Variants in COL4A5 observed in about 807,000 individuals in gnomAD.
The protein encoded by COL4A5 is collagen type IV alpha 5 chain.
A neutral mutation model predicts 130.2 loss-of-function variants in COL4A5; 26 were observed. That is an observed-to-expected ratio of 0.20 (90% CI 0.15 to 0.28). The LOEUF is 0.28. COL4A5 is among the 10% of genes least tolerant of loss of function. The pLI is 1.00. For missense variants in COL4A5, 1,131 were observed against 1,344.3 expected (o/e 0.84, Z 2.48); for synonymous variants, 496 against 439.6 (o/e 1.13, Z -1.60).
At chrX:108,501,513 G>C (rs952758557) in intron 1 of COL4A5, among the ~76,000 whole-genome samples, 1 of 111,765 alleles carries the variant, frequency 8.9e-6, no homozygotes, top group African/African-American at 3.3e-5. Flanking sequence ...GTTTGTGAGA[G>C]AGCCTAGGCA....
chrX:108,479,951 G>A (rs768132966), intron 1 of COL4A5, among the ~76,000 whole-genome samples: 31 of 111,530 alleles, frequency 2.8e-4, no homozygotes, highest in African/African-American at 9.8e-4. Context: ...GGCCTCTGCC[G>A]TTACTCACCT....
rs536249488 is a variant in COL4A5, at chrX:108,592,039, G to A, written c.1423+395G>A. On this transcript the variant is annotated intron_variant, in intron 21 of 52. Transcript: ENST00000328300. ...TCTCTCACTTCATTGCACTCACTTG[G>A]AACAAAAGCATAATCCAAATTTTCA... Among the ~76,000 whole-genome samples the A allele has an allele frequency of 4.0e-4, 45 of 111,319 alleles. No homozygotes were observed. The South Asian group carries it at 0.017, about 42-fold the overall frequency.
chrX:108,596,725 C>G (rs1289375492), intron 22 of COL4A5, among the ~76,000 whole-genome samples: 1 of 111,905 alleles, frequency 8.9e-6, no homozygotes, highest in African/African-American at 3.3e-5. Flanking sequence ...GTTGCAAGGT[C>G]TGAGAAAGTC....
At chrX:108,487,390 CAA>C (rs139062835) in intron 1 of COL4A5, among the ~76,000 whole-genome samples, 7 of 53,401 alleles carry the variant, frequency 1.3e-4, no homozygotes, top group Admixed American at 2.3e-4. Context: ...AACTCTGTCT[CAA>C]AAAAAAAAAA....
intron 3 of COL4A5, among the ~76,000 whole-genome samples, chrX:108,563,329 G>A: frequency 9.0e-6 from 1 of 111,511 alleles, no homozygotes; most frequent in Non-Finnish European, 1.9e-5. Flanking sequence ...ACATGGGTAG[G>A]TTCTTTTGCA....
chrX:108,546,038 C>T (rs916890411), intron 2 of COL4A5, among the ~76,000 whole-genome samples: 3 of 111,920 alleles, frequency 2.7e-5, no homozygotes, highest in Non-Finnish European at 5.6e-5. Flanking sequence ...ATACAGCACC[C>T]TGGTGGGTCT....
chrX:108,534,334 C>G (rs918114952), intron 1 of COL4A5, among the ~76,000 whole-genome samples: 4 of 111,338 alleles, frequency 3.6e-5, no homozygotes, highest in Non-Finnish European at 7.6e-5. Flanking sequence ...TGCAATTAAC[C>G]TAAGTGTGTA....
chrX:108,609,709 A>G (rs910230001), intron 29 of COL4A5, among the ~76,000 whole-genome samples: 2 of 111,685 alleles, frequency 1.8e-5, no homozygotes, highest in Admixed American at 9.5e-5. Context: ...TTATAGTTTT[A>G]GTTTCTATGT....
chrX:108,450,583 T>A (rs1339205589), intron 1 of COL4A5, among the ~76,000 whole-genome samples: 3 of 111,973 alleles, frequency 2.7e-5, no homozygotes, highest in African/African-American at 6.5e-5. Flanking sequence ...AACTTGAACC[T>A]GACACCAAGA....
At chrX:108,558,503 G>A (rs2065859727) in intron 2 of COL4A5, among the ~76,000 whole-genome samples, 1 of 111,209 alleles carries the variant, frequency 9.0e-6, no homozygotes, top group South Asian at 3.8e-4. Context: ...TTAGAACTGA[G>A]ACCTGAGTCA....
At chrX:108,651,542 T>G (rs2067729408) in intron 36 of COL4A5, among the ~76,000 whole-genome samples, 1 of 111,821 alleles carries the variant, frequency 8.9e-6, no homozygotes, top group Admixed American at 9.5e-5. Flanking sequence ...TAATTGTATG[T>G]GCTGTGATTA....
chrX:108,663,084 T>C (rs1487517027), intron 37 of COL4A5, among the ~76,000 whole-genome samples: 1 of 112,387 alleles, frequency 8.9e-6, no homozygotes, highest in East Asian at 2.8e-4. Context: ...GGGTATTGTT[T>C]TAAGTCATTA....
intron 29 of COL4A5, among the ~76,000 whole-genome samples, chrX:108,607,350 CA>C (rs558025535): frequency 0.016 from 790 of 49,713 alleles, 7 homozygotes; most frequent in African/African-American, 0.053. Context: ...GACTTTGTCT[CA>C]AAAAAAAAAA....
intron 31 of COL4A5, among the ~76,000 whole-genome samples, chrX:108,621,206 G>A (rs2067042308): frequency 1.0e-5 from 1 of 99,424 alleles, no homozygotes; most frequent in Non-Finnish European, 2.0e-5. Flanking sequence ...AGACTGGAGT[G>A]CAGTGGGACA....
rs947987180 is a variant in COL4A5 at position 108,677,742 on chromosome X, A to G, written c.3942+109A>G. 5.2e-6 allele frequency: 5 copies of G among 967,717 alleles called. No individual in the cohort carries two copies. The African/African-American group carries it at 7.6e-5, about 15-fold the overall frequency. The allele number at this position is 967,717 out of a possible 1,213,427, so 79.8% of individuals were successfully genotyped here. A position where few individuals can be genotyped will look rare whatever the true frequency, so the allele number is the denominator to read the frequency against. On this transcript the variant is annotated intron_variant, in intron 44 of 52. Transcript: ENST00000328300. The stretch of plus-strand genomic sequence containing the variant: ...ATTAACACTCACTAGACAAGGTTCT[A>G]TGTGTGGCTCACTGGCGAATTAAAA...
intron 1 of COL4A5, among the ~76,000 whole-genome samples, chrX:108,532,114 A>G (rs1231390334): frequency 1.8e-5 from 2 of 111,678 alleles, no homozygotes; most frequent in South Asian, 3.8e-4. Flanking sequence ...TGATATGAAA[A>G]TCAGACAAGG....
rs2064365783 is a variant in COL4A5, at chrX:108,439,878, G to C, written c.-248G>C. On this transcript the variant is annotated 5_prime_UTR_variant, in exon 1 of 53. Coordinates refer to ENST00000328300, the MANE Select transcript of COL4A5 (RefSeq NM_033380.3). Reference sequence around the variant, plus strand: ...GAGTGAAGAAAAAGTTTGCAAGTCTGGACAGAAGGGAAAAGTTCTCCTGAG... The same window carrying C: ...GAGTGAAGAAAAAGTTTGCAAGTCTCGACAGAAGGGAAAAGTTCTCCTGAG... 7 of 409,709 alleles carry C rather than the reference G, an allele frequency of 1.7e-5. No homozygotes were observed. In the East Asian group the frequency reaches 2.1e-4, roughly 12 times the overall value. 33.8% of individuals were successfully genotyped at this position (409,709 alleles called of 1,213,427 possible). A position where few individuals can be genotyped will look rare whatever the true frequency, so the allele number is the denominator to read the frequency against.
intron 36 of COL4A5, among the ~76,000 whole-genome samples, chrX:108,635,364 A>T (rs1326021573): frequency 8.9e-6 from 1 of 112,105 alleles, no homozygotes; most frequent in African/African-American, 3.2e-5. Flanking sequence ...CTTTTTATCT[A>T]AAATGAAAGG....
At chrX:108,488,969 CTT>C (rs1387964263) in intron 1 of COL4A5, among the ~76,000 whole-genome samples, 1 of 111,759 alleles carries the variant, frequency 8.9e-6, no homozygotes, top group Non-Finnish European at 1.9e-5. Context: ...CCCCTAGTAA[CTT>C]TAAATGATTT....
Sources: allele counts gnomAD v4.1 joint callset (sites outside exome capture counted in the v4.1 genomes callset), GRCh38; gene constraint gnomAD v4.1.1; transcripts MANE v1.5; gene names NCBI Gene and HGNC (gene_info 2026-07-23, HGNC 2026-07-21).